DSCAM: variants seen among roughly 807,000 people sequenced by gnomAD.
DSCAM encodes the protein DS cell adhesion molecule.
In DSCAM, 47 loss-of-function variants were observed where a neutral mutation model predicts 217.7. That is an observed-to-expected ratio of 0.22 (90% CI 0.17 to 0.28). The LOEUF is 0.28. Ranked by LOEUF, DSCAM falls within the 10% of genes least tolerant of loss-of-function variation. The probability of loss-of-function intolerance (pLI) is 1.00; values close to 1 mark genes in which losing one functional copy is unlikely to be tolerated. For synonymous variants in DSCAM, 1,056 were observed against 1,015.3 expected, an observed-to-expected ratio of 1.04 and a Z score of -0.76; for missense variants, 2,080 against 2,618.3, an observed-to-expected ratio of 0.79 and a Z score of 4.49.
At chr21:40,585,163 C>G (rs1324731488) in intron 3 of DSCAM, among the ~76,000 whole-genome samples, 1 of 139,614 alleles carries the variant, frequency 7.2e-6, no homozygotes, top group Non-Finnish European at 1.5e-5. Flanking sequence ...TGTAGAACCG[C>G]GAGACAAATC....
intron 3 of DSCAM, among the ~76,000 whole-genome samples, chr21:40,539,170 A>G (rs373404505): frequency 4.9e-4 from 74 of 152,240 alleles, no homozygotes; most frequent in African/African-American, 1.7e-3. Flanking sequence ...AGATGTCCAC[A>G]CCGGGTCCAC....
At chr21:40,635,306 G>A (rs2089743130) in intron 3 of DSCAM, among the ~76,000 whole-genome samples, 1 of 152,212 alleles carries the variant, frequency 6.6e-6, no homozygotes, top group Admixed American at 6.5e-5. Flanking sequence ...ACCAAATGCT[G>A]GTGTGCGGGC....
At chr21:40,727,940 C>G (rs2090974047) in intron 1 of DSCAM, among the ~76,000 whole-genome samples, 1 of 152,170 alleles carries the variant, frequency 6.6e-6, no homozygotes, top group East Asian at 1.9e-4. Flanking sequence ...GCTCCCACCT[C>G]TGGGTCTCTG....
intron 30 of DSCAM, among the ~76,000 whole-genome samples, chr21:40,048,923 C>T (rs546107744): frequency 3.3e-5 from 5 of 152,190 alleles, no homozygotes; most frequent in South Asian, 2.1e-4. Context: ...AAATAAAACA[C>T]GGAGTGTTGT....
chr21:40,431,972 G>T (rs1192474872), intron 3 of DSCAM, among the ~76,000 whole-genome samples: 1 of 152,136 alleles, frequency 6.6e-6, no homozygotes, highest in Non-Finnish European at 1.5e-5. Flanking sequence ...GGCCAAGGCG[G>T]GCAGGTCACC....
chr21:40,020,535 G>C (rs1311338814), intron 32 of DSCAM, among the ~76,000 whole-genome samples: 2 of 141,336 alleles, frequency 1.4e-5, no homozygotes, highest in African/African-American at 4.9e-5. Flanking sequence ...GTGTGTGAGA[G>C]AGAGAGAGAG....
At chr21:40,552,397 G>A (rs921696135) in intron 3 of DSCAM, among the ~76,000 whole-genome samples, 8 of 152,166 alleles carry the variant, frequency 5.3e-5, no homozygotes, top group African/African-American at 1.9e-4. Flanking sequence ...GAGTTAAGAA[G>A]AGCTGCCTTT....
chr21:40,484,175 G>C (rs1389337217), intron 3 of DSCAM, among the ~76,000 whole-genome samples: 1 of 152,200 alleles, frequency 6.6e-6, no homozygotes, highest in African/African-American at 2.4e-5. Flanking sequence ...TTATGGGTCT[G>C]TCCAGAGGCT....
chr21:40,386,347 G>A (rs8127823), intron 3 of DSCAM, among the ~76,000 whole-genome samples: 24,605 of 152,210 alleles, frequency 0.16, 2,855 homozygotes, highest in African/African-American at 0.3. Context: ...CTTTAGTTGA[G>A]GGCAGTTGAA....
At chr21:40,536,413 T>TG (rs2076496982) in intron 3 of DSCAM, among the ~76,000 whole-genome samples, 3 of 150,738 alleles carry the variant, frequency 2.0e-5, no homozygotes, top group Non-Finnish European at 3.0e-5. Context: ...TTTTTTTTTT[T>TG]TTTTTTGAGA....
chr21:40,473,651 T>A (rs1026116524), intron 3 of DSCAM, among the ~76,000 whole-genome samples: 2 of 152,118 alleles, frequency 1.3e-5, no homozygotes, highest in African/African-American at 4.8e-5. Context: ...CCTCCAAAAT[T>A]CATGTTGAAG....
intron 3 of DSCAM, among the ~76,000 whole-genome samples, chr21:40,451,521 G>T (rs2075719450): frequency 6.6e-6 from 1 of 152,042 alleles, no homozygotes; most frequent in Non-Finnish European, 1.5e-5. Context: ...GGTGTGTGGG[G>T]CTCGTATCAT....
intron 11 of DSCAM, among the ~76,000 whole-genome samples, chr21:40,263,867 GA>G (rs1027561524): frequency 6.6e-6 from 1 of 152,032 alleles, no homozygotes; most frequent in Non-Finnish European, 1.5e-5. Context: ...TGAAAATGGA[GA>G]CATCACAACT....
At chr21:40,633,273 G>A (rs545403422) in intron 3 of DSCAM, among the ~76,000 whole-genome samples, 4 of 152,270 alleles carry the variant, frequency 2.6e-5, no homozygotes, top group East Asian at 1.9e-4. Context: ...ACATGGTCAC[G>A]TGAAGGAATG....
At chr21:40,783,121 G>C (rs2091563110) in intron 1 of DSCAM, among the ~76,000 whole-genome samples, 1 of 152,194 alleles carries the variant, frequency 6.6e-6, no homozygotes, top group Non-Finnish European at 1.5e-5. Context: ...TGTAAAAGTG[G>C]ACATTGGATA....
At chr21:40,175,821 A>ACG (rs1417813978) in intron 15 of DSCAM, among the ~76,000 whole-genome samples, 3 of 127,280 alleles carry the variant, frequency 2.4e-5, no homozygotes, top group African/African-American at 8.9e-5. Context: ...ACACACACAC[A>ACG]CACGCACACA....
intron 20 of DSCAM, 39 bp from the exon 21 acceptor site, chr21:40,093,913 G>A (rs768988773): frequency 1.3e-6 from 2 of 1,589,014 alleles, no homozygotes; most frequent in Admixed American, 1.8e-5. Flanking sequence ...ATTCAAAGAA[G>A]CATGTGGCAA....
At chr21:40,490,252 CAA>C (rs1330907322) in intron 3 of DSCAM, among the ~76,000 whole-genome samples, 3 of 152,084 alleles carry the variant, frequency 2.0e-5, no homozygotes, top group Non-Finnish European at 4.4e-5. Flanking sequence ...AGATAAAATG[CAA>C]AATGAGATTT....
intron 9 of DSCAM, among the ~76,000 whole-genome samples, chr21:40,301,522 CTCAG>C (rs2074013838): frequency 7.6e-6 from 1 of 130,846 alleles, no homozygotes; most frequent in African/African-American, 3.6e-5. Flanking sequence ...TTAGCACTCA[CTCAG>C]TCAGGCACAT....
Sources: allele counts gnomAD v4.1 joint callset (sites outside exome capture counted in the v4.1 genomes callset), GRCh38; gene constraint gnomAD v4.1.1; transcripts MANE v1.5; gene names NCBI Gene and HGNC (gene_info 2026-07-23, HGNC 2026-07-21).